Variants in TNR observed in about 807,000 individuals in gnomAD.
TNR encodes tenascin R.
A neutral mutation model predicts 150.4 loss-of-function variants in TNR; 45 were observed. That is an observed-to-expected ratio of 0.30 (90% CI 0.24 to 0.38). The LOEUF is 0.38. TNR is among the 10% of genes least tolerant of loss of function. The pLI is 1.00. For synonymous variants in TNR, 687 were observed against 678.4 expected, an observed-to-expected ratio of 1.01 and a Z score of -0.20; for missense variants, 1,544 against 1,759.1, an observed-to-expected ratio of 0.88 and a Z score of 2.19.
At chr1:175,422,136 G>A (rs1331971839) in intron 2 of TNR, among the ~76,000 whole-genome samples, 1 of 152,200 alleles carries the variant, frequency 6.6e-6, no homozygotes, top group Middle Eastern at 3.2e-3. Context: ...TGATTCCATA[G>A]TCTTTGAATG....
intron 15 of TNR, among the ~76,000 whole-genome samples, chr1:175,359,029 A>G (rs1651459070): frequency 6.8e-6 from 1 of 146,156 alleles, no homozygotes; most frequent in African/African-American, 2.5e-5. Context: ...TCCTAGGGCT[A>G]TTGCTCTGTT....
chr1:175,663,585 T>G (rs566346660), intron 1 of TNR, among the ~76,000 whole-genome samples: 34 of 152,192 alleles, frequency 2.2e-4, no homozygotes, highest in Non-Finnish European at 4.1e-4. Flanking sequence ...AAGCCAACTC[T>G]AACCTACAGA....
intron 1 of TNR, among the ~76,000 whole-genome samples, chr1:175,692,875 A>G (rs1434999935): frequency 6.6e-6 from 1 of 152,214 alleles, no homozygotes; most frequent in African/African-American, 2.4e-5. Context: ...CAGGGAGACA[A>G]CATCACATGT....
Position 175,406,504 on chromosome 1 carries a change from T to C in TNR, c.211A>G (p.Ile71Val). The C allele has an allele frequency of 3.1e-6, 5 of 1,614,188 alleles. No homozygotes were observed. Among genetic ancestry groups the C allele is most frequent in the Non-Finnish European group, 4.2e-6 (5 of 1,180,026 alleles). Residue 71 changes from isoleucine (I) to valine (V), a missense_variant, in exon 3 of 23, where the codon ATT becomes GTT. By Grantham distance (29) the Ile-to-Val change is conservative. This residue lies in a region of TNR where 1,254 missense variants were observed against 1,329.4 expected (regional missense o/e 0.94). Coordinates refer to ENST00000367674, the MANE Select transcript of TNR (RefSeq NM_003285.3). Reference protein sequence around the residue: ...QPVVFNHVYNINVPLDNLCSS... With the variant: ...QPVVFNHVYNVNVPLDNLCSS... The stretch of plus-strand genomic sequence containing the variant: ...CAGAGGTTGTCCAAGGGCACGTTAA[T>C]GTTGTACACGTGGTTGAAGACCACA...
chr1:175,317,372 T>C lies in TNR; in HGVS notation c.*5985A>G, dbSNP rs1648875352. On this transcript the variant is annotated 3_prime_UTR_variant, in exon 23 of 23. Coordinates refer to ENST00000367674, the MANE Select transcript of TNR (RefSeq NM_003285.3). ...AATGAGAGGATTATATTAGATGATC[T>C]TGAGTCCCATCCAGCTCTGAAAGTG... 1 of 152,230 alleles carries C rather than the reference T, an allele frequency of 6.6e-6. No individual in the cohort carries two copies. The highest frequency in any genetic ancestry group is 2.1e-4 in the South Asian group (1 of 4,834). The allele number at this position is 152,230 out of a possible 1,614,324, so 9.4% of individuals were successfully genotyped here.
intron 1 of TNR, among the ~76,000 whole-genome samples, chr1:175,728,995 T>A (rs146383456): frequency 8.3e-4 from 127 of 152,236 alleles, no homozygotes; most frequent in Admixed American, 2.7e-3. Context: ...GAGAGGTGTT[T>A]GGATCAGAGG....
intron 20 of TNR, among the ~76,000 whole-genome samples, chr1:175,332,757 T>G (rs1424730808): frequency 6.6e-6 from 1 of 152,118 alleles, no homozygotes; most frequent in Admixed American, 6.5e-5. Context: ...CCTCCATTCT[T>G]CTGACTGACT....
At chr1:175,574,111 TC>T (rs1450796565) in intron 1 of TNR, among the ~76,000 whole-genome samples, 1 of 152,068 alleles carries the variant, frequency 6.6e-6, no homozygotes, top group Non-Finnish European at 1.5e-5. Flanking sequence ...TGATGTCTGC[TC>T]CCAACTTCCT....
Position 175,396,527 on chromosome 1 carries a change from G to A in TNR, c.1240+17C>T, listed in dbSNP as rs859446. On this transcript the variant is annotated intron_variant, in intron 5 of 22. Transcript: ENST00000367674. ...GGAGAAAAGAAAAATGAAGCAGGAC[G>A]GGGAAATGGTACGTACGGGTGGCCA... 720,873 of 1,604,860 alleles carry A rather than the reference G, an allele frequency of 0.45. 164,710 individuals are homozygous for A. The highest frequency in any genetic ancestry group is 0.64 in the East Asian group (28,459 of 44,604).
Position 175,406,668 on chromosome 1 carries a change from C to T in TNR, c.47G>A (p.Gly16Asp). The change falls in exon 3 of 23, where the codon GGC becomes GAC. Residue 16 changes from glycine (G) to aspartate (D), a missense_variant. Gly to Asp is a moderately conservative substitution (Grantham distance 94). Around this residue, in one of 2 missense-constraint regions of TNR, gnomAD observed 1,254 missense variants for 1,329.4 expected, o/e 0.94. Transcript: ENST00000367674. ...ETVVLKNMLI[G>D]INLILLGSMI... ...GGAGCCCAGAAGGATCAGGTTGATG[C>T]CAATGAGCATGTTCTTCAGAACCAC... The T allele has an allele frequency of 6.2e-7, 1 of 1,614,222 alleles. No homozygotes were observed. The highest frequency in any genetic ancestry group is 8.5e-7 in the Non-Finnish European group (1 of 1,180,038).
chr1:175,417,383 G>A (rs1380207685), intron 2 of TNR, among the ~76,000 whole-genome samples: 2 of 152,084 alleles, frequency 1.3e-5, no homozygotes, highest in African/African-American at 4.8e-5. Flanking sequence ...GTTAACTGGA[G>A]CCCCCAGGCC....
At chr1:175,411,773 C>G (rs1654227549) in intron 2 of TNR, among the ~76,000 whole-genome samples, 2 of 151,898 alleles carry the variant, frequency 1.3e-5, no homozygotes, top group Non-Finnish European at 2.9e-5. Flanking sequence ...CTGCAATGAC[C>G]CTATTTCCAA....
At position 175,554,708 on chromosome 1, in the gene TNR, C is replaced by G. The variant is rs769827987; in HGVS notation, c.-164-26339G>C. Among the ~76,000 whole-genome samples, 7 of 152,180 alleles carry G rather than the reference C, an allele frequency of 4.6e-5. No individual in the cohort carries two copies. In the East Asian group the frequency reaches 1.2e-3, roughly 25 times the overall value. On this transcript the variant is annotated intron_variant, in intron 1 of 22. Transcript: ENST00000367674. ...CCAGCTCCATGATTTCTCCAGCCCC[C>G]ACCCCTGAGCTTGTCCATATCTGAG...
chr1:175,397,878 A>G (rs1653507335), intron 4 of TNR, among the ~76,000 whole-genome samples: 1 of 152,218 alleles, frequency 6.6e-6, no homozygotes, highest in African/African-American at 2.4e-5. Context: ...AGCCTTTAAG[A>G]CTAACTAAGA....
chr1:175,388,574 G>A (rs768405629), intron 7 of TNR, among the ~76,000 whole-genome samples: 5 of 152,180 alleles, frequency 3.3e-5, no homozygotes, highest in Non-Finnish European at 5.9e-5. Context: ...GGAGCCAACC[G>A]TCTATTTTGT....
chr1:175,509,060 A>G (rs563002578), intron 2 of TNR, among the ~76,000 whole-genome samples: 6 of 152,288 alleles, frequency 3.9e-5, no homozygotes, highest in East Asian at 3.9e-4. Flanking sequence ...GTAAATAGAC[A>G]TTCTTCAAGA....
intron 20 of TNR, among the ~76,000 whole-genome samples, chr1:175,334,951 C>T (rs764307288): frequency 3.9e-4 from 60 of 152,154 alleles, no homozygotes; most frequent in Admixed American, 1.6e-3. Context: ...GCAGAGAGGC[C>T]GGTAAGAAGC....
intron 10 of TNR, 46 bp downstream of exon 10, chr1:175,367,162 C>A: frequency 6.3e-7 from 1 of 1,586,744 alleles, no homozygotes. Context: ...ACTCCTTAGG[C>A]TTATAGGCTA....
rs1250527721 is a variant in TNR, at chr1:175,621,031, G to A, written c.-164-92662C>T. On this transcript the variant is annotated intron_variant, in intron 1 of 22. Coordinates refer to ENST00000367674, the MANE Select transcript of TNR (RefSeq NM_003285.3). ...TCTAAATGCGAAATGCTATGACCAC[G>A]CACCCCTCTTCCCTTTGCTATCGCT... 2.0e-5 allele frequency among the ~76,000 whole-genome samples: 3 copies of A among 152,084 alleles called. No individual in the cohort carries two copies. The East Asian group carries it at 5.8e-4, about 29-fold the overall frequency.
Sources: gnomAD v4.1 joint callset for allele counts (sites outside exome capture counted in the v4.1 genomes callset) on GRCh38, gnomAD v4.1.1 for gene constraint, gnomAD v4.1.1 regional missense constraint, MANE v1.5 for transcripts, NCBI Gene and HGNC (gene_info 2026-07-23, HGNC 2026-07-21) for gene names.